UGT2B4: variants seen among roughly 807,000 people sequenced by gnomAD.
UGT2B4 encodes UDP glucuronosyltransferase family 2 member B4.
UGT2B4 carries 49 observed loss-of-function variants against 49.8 expected under a neutral mutation model. The observed-to-expected ratio is 0.98, with a 90% CI of 0.78 to 1.25. The LOEUF is 1.25. Ranked by LOEUF, UGT2B4 falls within the 50% of genes most tolerant of loss-of-function variation. The probability of loss-of-function intolerance (pLI) is 0.00; values close to 1 mark genes in which losing one functional copy is unlikely to be tolerated. For missense variants in UGT2B4, 729 were observed against 627.7 expected, an observed-to-expected ratio of 1.16 and a Z score of -1.73; for synonymous variants, 246 against 217.7, an observed-to-expected ratio of 1.13 and a Z score of -1.14.
upstream of UGT2B4, among the ~76,000 whole-genome samples, chr4:69,500,606 GAAGAAAGAAAGA>G (rs61653936): frequency 4.2e-3 from 420 of 99,586 alleles, 2 homozygotes; most frequent in African/African-American, 0.013. Flanking sequence ...AGAAAGCAAG[GAAGAAAGAAAGA>G]AAGAAAGAAA....
upstream of UGT2B4, among the ~76,000 whole-genome samples, chr4:69,498,466 A>C (rs975798376): frequency 2.0e-5 from 3 of 151,802 alleles, no homozygotes; most frequent in Non-Finnish European, 4.4e-5. Flanking sequence ...CAGAGAATGG[A>C]GAAAAACAAG....
chr4:69,521,756 G>A (rs997829312), intron 1 of UGT2B4, among the ~76,000 whole-genome samples: 4 of 152,142 alleles, frequency 2.6e-5, no homozygotes, highest in African/African-American at 4.8e-5. Context: ...CTGGTGAAGC[G>A]ATATCCCGAG....
chr4:69,493,838 C>T lies in UGT2B4; in HGVS notation c.725G>A (p.Arg242Lys). 3.2e-6 allele frequency: 5 copies of T among 1,586,050 alleles called. No homozygotes were observed. Among genetic ancestry groups the T allele is most frequent in the Non-Finnish European group, 4.3e-6 (5 of 1,170,252 alleles). Reference protein sequence around the residue: ...WDQFYSEVLGRPTTLSETMAK... With the variant: ...WDQFYSEVLGKPTTLSETMAK... Reference sequence around the variant, plus strand: ...CATTGTCTCAGATAACGTAGTGGGTCTTCCTGATGGGGGAAAAAAAAAGAA... The same window carrying T: ...CATTGTCTCAGATAACGTAGTGGGTTTTCCTGATGGGGGAAAAAAAAAGAA... The change falls in exon 2 of 6, where the codon AGA becomes AAA. Residue 242 changes from arginine (R) to lysine (K), a missense_variant. Physicochemically the swap from Arg to Lys is conservative, Grantham distance 26 (BLOSUM62 2). Transcript: ENST00000305107.
upstream of UGT2B4, chr4:69,496,045 A>T: frequency 1.0e-6 from 1 of 967,706 alleles, no homozygotes. Flanking sequence ...TGACCTGTTT[A>T]CACAAGTGCG....
At chr4:69,487,476 GCAAA>G (rs1727827535) in intron 3 of UGT2B4, among the ~76,000 whole-genome samples, 1 of 152,170 alleles carries the variant, frequency 6.6e-6, no homozygotes, top group East Asian at 1.9e-4. Flanking sequence ...ATTATCCCTA[GCAAA>G]CAAACACAGG....
intron 2 of UGT2B4, among the ~76,000 whole-genome samples, chr4:69,492,236 G>A (rs1364199440): frequency 6.6e-6 from 1 of 151,958 alleles, no homozygotes; most frequent in Non-Finnish European, 1.5e-5. Flanking sequence ...GCTTTACTGG[G>A]TTGCTTGTCT....
rs185504289 is a variant in UGT2B4 at position 69,481,010 on chromosome 4, G to A, written c.1311-100C>T. ...TCCCAGCAGTTTCCGAGGTCGAGGC[G>A]GGCGGATCACGAGGTCAGGAGATCA... On this transcript the variant is annotated intron_variant, in intron 5 of 5. Coordinates refer to ENST00000305107, the MANE Select transcript of UGT2B4 (RefSeq NM_021139.3). 1.6e-3 allele frequency: 2,176 copies of A among 1,369,476 alleles called. 36 individuals carry two copies. The African/African-American group carries it at 0.028, about 18-fold the overall frequency. 84.8% of individuals were successfully genotyped at this position (1,369,476 alleles called of 1,614,324 possible). A position where few individuals can be genotyped will look rare whatever the true frequency, so the allele number is the denominator to read the frequency against.
At chr4:69,501,258 G>A (rs771411273) in intron 1 of UGT2B4, among the ~76,000 whole-genome samples, 21 of 151,516 alleles carry the variant, frequency 1.4e-4, no homozygotes, top group Admixed American at 2.6e-4. Context: ...GGGGGCGGGT[G>A]GAAGGAATCC....
chr4:69,525,059 A>G (rs66862535), intron 1 of UGT2B4, among the ~76,000 whole-genome samples: 53,389 of 152,006 alleles, frequency 0.35, 9,441 homozygotes, highest in Non-Finnish European at 0.37. Flanking sequence ...TGGAGACCTT[A>G]CATAGCTTTG....
chr4:69,524,902 G>T (rs1455639367), intron 1 of UGT2B4, among the ~76,000 whole-genome samples: 1 of 152,142 alleles, frequency 6.6e-6, no homozygotes, highest in African/African-American at 2.4e-5. Context: ...CAAAAGCTTT[G>T]GCAGGATCTA....
chr4:69,514,797 A>T (rs1728689391), intron 1 of UGT2B4, among the ~76,000 whole-genome samples: 1 of 152,240 alleles, frequency 6.6e-6, no homozygotes, highest in East Asian at 1.9e-4. Flanking sequence ...TTACAGACAC[A>T]TCTCACACGT....
intron 1 of UGT2B4, among the ~76,000 whole-genome samples, chr4:69,502,389 C>T (rs1286795697): frequency 6.6e-6 from 1 of 151,832 alleles, no homozygotes; most frequent in Non-Finnish European, 1.5e-5. Flanking sequence ...CTTCAGACAC[C>T]TCTTAGAGGT....
chr4:69,488,013 G>A (rs1462562008), intron 3 of UGT2B4, among the ~76,000 whole-genome samples: 1 of 151,996 alleles, frequency 6.6e-6, no homozygotes, highest in Non-Finnish European at 1.5e-5. Context: ...TGACAAAAAT[G>A]CAAGTCTATA....
chr4:69,489,382 C>T, intron 3 of UGT2B4, 57 bp downstream of exon 3: 1 of 1,592,322 alleles, frequency 6.3e-7, no homozygotes, highest in Non-Finnish European at 8.6e-7. Context: ...GGGTTCTTTA[C>T]AAACTTTAAC....
chr4:69,480,842 G>A lies in UGT2B4; in HGVS notation c.1379C>T (p.Ala460Val). The A allele has an allele frequency of 6.2e-7, 1 of 1,613,858 alleles. No homozygotes were observed. The highest frequency in any genetic ancestry group is 1.1e-5 in the South Asian group (1 of 91,070). Reference sequence around the variant, plus strand: ...CATGACAAATTCAATCCAGAAGACTGCTCGATCAAGGGGCTTCACTGGTTG... The same window carrying A: ...CATGACAAATTCAATCCAGAAGACTACTCGATCAAGGGGCTTCACTGGTTG... ...HDQPVKPLDR[A>V]VFWIEFVMRH... Residue 460 changes from alanine (A) to valine (V), a missense_variant, in exon 6 of 6, where the codon GCA (alanine) becomes GTA (valine). Transcript: ENST00000305107.
At chr4:69,511,895 C>T (rs866674143) in intron 1 of UGT2B4, among the ~76,000 whole-genome samples, 1 of 151,934 alleles carries the variant, frequency 6.6e-6, no homozygotes, top group Non-Finnish European at 1.5e-5. Context: ...GTAGGTTGTA[C>T]GTTCTTATGA....
chr4:69,512,722 T>G (rs1988114), intron 1 of UGT2B4, among the ~76,000 whole-genome samples: 89,100 of 139,692 alleles, frequency 0.64, 26,828 homozygotes, highest in East Asian at 0.78. Context: ...TCTGTTTTTT[T>G]TTTGTTTGTT....
chr4:69,500,670 G>GAAAGGAAGGA (rs1560438465), upstream of UGT2B4, among the ~76,000 whole-genome samples: 1 of 62,820 alleles, frequency 1.6e-5, no homozygotes, highest in African/African-American at 5.2e-5. Context: ...AGAAAGAAAG[G>GAAAGGAAGGA]AAGGAAAGAA....
chr4:69,521,357 C>T (rs775689920), intron 1 of UGT2B4, among the ~76,000 whole-genome samples: 13 of 152,194 alleles, frequency 8.5e-5, no homozygotes, highest in Non-Finnish European at 1.8e-4. Flanking sequence ...ACGTGACAAC[C>T]TCTTTGGGGC....
Sources: allele counts gnomAD v4.1 joint callset (sites outside exome capture counted in the v4.1 genomes callset), GRCh38; gene constraint gnomAD v4.1.1; transcripts MANE v1.5; gene names NCBI Gene and HGNC (gene_info 2026-07-23, HGNC 2026-07-21).